UBE2W: variants seen among roughly 807,000 people sequenced by gnomAD.
UBE2W encodes ubiquitin conjugating enzyme E2 W.
UBE2W carries 18 observed loss-of-function variants against 27.2 expected under a neutral mutation model. The ratio of observed to expected loss-of-function variants is 0.66; its 90% confidence interval spans 0.46 to 0.98. The LOEUF (loss-of-function observed/expected upper bound fraction) is 0.98. Among genes scored for constraint, UBE2W ranks in the 50% least tolerant of loss-of-function variants. The pLI is 0.00. For synonymous variants in UBE2W, 53 were observed against 57.2 expected, an observed-to-expected ratio of 0.93 and a Z score of 0.33; for missense variants, 90 against 180.2, an observed-to-expected ratio of 0.50 and a Z score of 2.87.
intron 1 of UBE2W, among the ~76,000 whole-genome samples, chr8:73,839,733 T>C (rs550647018): frequency 1.3e-4 from 20 of 149,610 alleles, no homozygotes; most frequent in African/African-American, 3.7e-4. Context: ...TTGGTTTTTT[T>C]TTTTTTTTTT....
At chr8:73,832,136 A>AATATATATATATATATATATAT (rs111764105) in intron 1 of UBE2W, among the ~76,000 whole-genome samples, 79 of 145,380 alleles carry the variant, frequency 5.4e-4, no homozygotes, top group African/African-American at 1.8e-3. Flanking sequence ...AAAATAAATA[A>AATATATATATATATATATATAT]ATATATATAT....
intron 1 of UBE2W, among the ~76,000 whole-genome samples, chr8:73,851,013 C>T (rs1811055635): frequency 6.6e-6 from 1 of 151,914 alleles, no homozygotes. Context: ...GCATGCACCA[C>T]CACACCCTGC....
chr8:73,877,824 G>A (rs766017475), intron 1 of UBE2W, among the ~76,000 whole-genome samples: 13 of 150,510 alleles, frequency 8.6e-5, no homozygotes, highest in Non-Finnish European at 1.6e-4. Flanking sequence ...TACAATTGTG[G>A]TTGCCATCTT....
intron 1 of UBE2W, among the ~76,000 whole-genome samples, chr8:73,866,290 A>AAAAATATATAT (rs1248216873): frequency 9.3e-5 from 4 of 43,088 alleles, no homozygotes; most frequent in African/African-American, 2.0e-4. Flanking sequence ...AAAAAAAAAA[A>AAAAATATATAT]ATATATATAT....
chr8:73,786,165 A>G (rs1807947263), downstream of UBE2W: 1 of 950,252 alleles, frequency 1.1e-6, no homozygotes, highest in African/African-American at 1.8e-5. Flanking sequence ...GTGACAAGCA[A>G]TTTGCCTCAG....
At position 73,830,392 on chromosome 8, in the gene UBE2W, A is replaced by G; in HGVS notation, c.96T>C (p.Asn32=). 1 of 1,612,596 alleles carries G rather than the reference A, an allele frequency of 6.2e-7. No individual in the cohort carries two copies. Residue 32 remains asparagine (N), a synonymous_variant, in exon 2 of 6, where the codon AAT becomes AAC. Coordinates refer to ENST00000602593, the MANE Select transcript of UBE2W (RefSeq NM_018299.6). ...GMTLNEKSVQ[N]SITQWIVDME... is the part of the protein sequence containing the mutation. ...AATTAAATACTTACTGTGTAATTGA[A>G]TTTTGAACACTCTTCTCATTTAAGG... is the stretch of plus-strand genomic sequence containing the variant.
chr8:73,870,335 T>C lies in UBE2W; in HGVS notation c.15+8473A>G, dbSNP rs541511226. 48 of 1,559,772 alleles carry C rather than the reference T, an allele frequency of 3.1e-5. No individual in the cohort carries two copies. In the East Asian group the frequency reaches 8.2e-4, roughly 27 times the overall value. ...ACAAAGAAAGACCTCATGTAACACA[T>C]GGTCATAAAGGAAATCTATTTTTTC... On this transcript the variant is annotated intron_variant, in intron 1 of 5. Transcript: ENST00000602593.
rs185093444 is a variant in UBE2W at position 73,795,787 on chromosome 8, T to C, written c.443-1672A>G. 6.1e-6 allele frequency: 6 copies of C among 984,762 alleles called. No homozygotes were observed. In the East Asian group the frequency reaches 4.5e-4, roughly 75 times the overall value. 61.0% of individuals were successfully genotyped at this position (984,762 alleles called of 1,614,324 possible). ...GTAGTTTATATCCTCTAAAGTTCAC[T>C]CACAATTTTCTTGGCAATGCAAAGT... On this transcript the variant is annotated intron_variant, in intron 5 of 5. Transcript: ENST00000602593.
intron 1 of UBE2W, among the ~76,000 whole-genome samples, chr8:73,857,691 C>T (rs1215735063): frequency 6.6e-6 from 1 of 152,070 alleles, no homozygotes; most frequent in Admixed American, 6.6e-5. Flanking sequence ...TGGCAGACGC[C>T]TGTAGTCCCA....
chr8:73,837,850 G>A (rs1177566727), intron 1 of UBE2W, among the ~76,000 whole-genome samples: 1 of 152,182 alleles, frequency 6.6e-6, no homozygotes, highest in African/African-American at 2.4e-5. Flanking sequence ...ATTTGCATAG[G>A]AGTGCACAGA....
chr8:73,802,580 AC>A (rs1307738879), intron 5 of UBE2W, among the ~76,000 whole-genome samples: 1 of 152,204 alleles, frequency 6.6e-6, no homozygotes, highest in East Asian at 1.9e-4. Context: ...TTGAAAAAAA[AC>A]ATTTTTTTGG....
At chr8:73,875,032 C>G (rs888075251) in intron 1 of UBE2W, among the ~76,000 whole-genome samples, 1 of 152,122 alleles carries the variant, frequency 6.6e-6, no homozygotes, top group Non-Finnish European at 1.5e-5. Flanking sequence ...CAGTGAGACC[C>G]TGTCTCCAAA....
At position 73,842,523 on chromosome 8, in the gene UBE2W, C is replaced by T. The variant is rs200780215; in HGVS notation, c.16-12051G>A. Among the ~76,000 whole-genome samples, 669 of 81,762 alleles carry T rather than the reference C, an allele frequency of 8.2e-3. 24 individuals carry two copies. In the Admixed American group the frequency reaches 0.092, roughly 11 times the overall value. 53.6% of individuals were successfully genotyped at this position (81,762 alleles called of 152,430 possible). On this transcript the variant is annotated intron_variant, in intron 1 of 5. Coordinates refer to ENST00000602593, the MANE Select transcript of UBE2W (RefSeq NM_018299.6). ...CAGCCTGGGCGACAGAGGGAGACTC[C>T]GTCTCAAAAAAAAAAAAAAAAAAAA... is the stretch of plus-strand genomic sequence containing the variant.
intron 1 of UBE2W, among the ~76,000 whole-genome samples, chr8:73,864,086 G>C (rs989849279): frequency 1.3e-5 from 2 of 152,054 alleles, no homozygotes; most frequent in African/African-American, 4.8e-5. Context: ...CAAATCAAAA[G>C]TATACTGAAA....
chr8:73,854,911 A>T (rs1190483808), intron 1 of UBE2W, among the ~76,000 whole-genome samples: 1 of 152,238 alleles, frequency 6.6e-6, no homozygotes, highest in South Asian at 2.1e-4. Flanking sequence ...GAGAAAATAA[A>T]ATGTTAAGAA....
intron 5 of UBE2W, among the ~76,000 whole-genome samples, chr8:73,801,318 C>T (rs979812635): frequency 2.0e-5 from 3 of 152,032 alleles, no homozygotes; most frequent in African/African-American, 7.2e-5. Flanking sequence ...ACTTTCTCCA[C>T]TAGGGAGTAG....
intron 1 of UBE2W, among the ~76,000 whole-genome samples, chr8:73,848,403 T>C (rs1295757713): frequency 6.6e-6 from 1 of 151,762 alleles, no homozygotes; most frequent in Non-Finnish European, 1.5e-5. Flanking sequence ...AATCAGAATG[T>C]AAGCTGGGCA....
At chr8:73,785,896 TCA>T (rs559391944), downstream of UBE2W, among the ~76,000 whole-genome samples, 7 of 152,374 alleles carry the variant, frequency 4.6e-5, no homozygotes, top group East Asian at 1.2e-3. Flanking sequence ...ACAGTACTTT[TCA>T]CAGACATGTT....
chr8:73,823,506 G>A (rs1158766162), intron 3 of UBE2W, among the ~76,000 whole-genome samples: 3 of 152,084 alleles, frequency 2.0e-5, no homozygotes, highest in Non-Finnish European at 1.5e-5. Context: ...CTTAGTTGAA[G>A]GTAGACAAAT....
Sources: gnomAD v4.1 joint callset for allele counts (sites outside exome capture counted in the v4.1 genomes callset) on GRCh38, gnomAD v4.1.1 for gene constraint, MANE v1.5 for transcripts, NCBI Gene and HGNC (gene_info 2026-07-23, HGNC 2026-07-21) for gene names.